SDK1: variants seen among roughly 807,000 people sequenced by gnomAD.
SDK1 encodes the protein sidekick cell adhesion molecule 1.
A neutral mutation model predicts 245.5 loss-of-function variants in SDK1; 157 were observed. That is an observed-to-expected ratio of 0.64 (90% CI 0.56 to 0.73). The LOEUF (loss-of-function observed/expected upper bound fraction) is 0.73. Ranked by LOEUF, SDK1 falls within the 30% of genes least tolerant of loss-of-function variation. The probability of loss-of-function intolerance (pLI) is 0.00; values close to 1 mark genes in which losing one functional copy is unlikely to be tolerated. For missense variants in SDK1, 3,583 were observed against 3,002.3 expected (o/e 1.19, Z -4.52); for synonymous variants, 1,647 against 1,278.5 (o/e 1.29, Z -6.15).
At chr7:3,423,730 C>A (rs1479660442) in intron 1 of SDK1, among the ~76,000 whole-genome samples, 1 of 151,984 alleles carries the variant, frequency 6.6e-6, no homozygotes. Context: ...TTCCAAGAAA[C>A]CAGAGACCAG....
chr7:4,195,801 T>A (rs772418717), intron 35 of SDK1, among the ~76,000 whole-genome samples: 1 of 152,022 alleles, frequency 6.6e-6, no homozygotes, highest in African/African-American at 2.4e-5. Flanking sequence ...TGCCTGGGGA[T>A]GAAGCCGTCG....
chr7:4,215,876 T>C, intron 38 of SDK1, among the ~76,000 whole-genome samples: 1 of 152,156 alleles, frequency 6.6e-6, no homozygotes, highest in East Asian at 1.9e-4. Context: ...CGTGGTCCTA[T>C]GAGGTAAGCG....
At chr7:3,844,261 C>T (rs148242437) in intron 5 of SDK1, among the ~76,000 whole-genome samples, 29 of 152,298 alleles carry the variant, frequency 1.9e-4, no homozygotes, top group African/African-American at 3.1e-4. Context: ...CATGAGCCAC[C>T]GCCCCTGGCC....
At chr7:3,320,164 T>G (rs1006700462) in intron 1 of SDK1, among the ~76,000 whole-genome samples, 1 of 151,972 alleles carries the variant, frequency 6.6e-6, no homozygotes, top group Admixed American at 6.6e-5. Flanking sequence ...CCTCTCATTC[T>G]CTCCTGCCCG....
At chr7:3,924,093 CTT>C (rs111644858) in intron 5 of SDK1, among the ~76,000 whole-genome samples, 7 of 143,768 alleles carry the variant, frequency 4.9e-5, no homozygotes, top group South Asian at 2.2e-4. Context: ...AGAAATTCCT[CTT>C]TTTTTTTTTT....
At chr7:4,105,630 C>CT (rs1215265815) in intron 22 of SDK1, among the ~76,000 whole-genome samples, 1 of 152,158 alleles carries the variant, frequency 6.6e-6, no homozygotes, top group East Asian at 1.9e-4. Context: ...TAAATGAATG[C>CT]TTTGACAGTG....
chr7:4,150,192 A>G (rs1371065753), intron 30 of SDK1, among the ~76,000 whole-genome samples: 1 of 152,060 alleles, frequency 6.6e-6, no homozygotes, highest in African/African-American at 2.4e-5. Flanking sequence ...CCCTCACCAC[A>G]TGCCCTGACC....
chr7:4,162,658 C>T (rs1781228434), intron 32 of SDK1, among the ~76,000 whole-genome samples: 1 of 152,058 alleles, frequency 6.6e-6, no homozygotes, highest in African/African-American at 2.4e-5. Flanking sequence ...CCTCAGCCTC[C>T]CAAAGTGCTG....
intron 1 of SDK1, among the ~76,000 whole-genome samples, chr7:3,473,548 C>T (rs944898451): frequency 2.6e-5 from 4 of 152,154 alleles, no homozygotes; most frequent in Non-Finnish European, 4.4e-5. Flanking sequence ...AGGACTCTTG[C>T]AGTATGTGGG....
Position 4,194,468 on chromosome 7 carries a change from G to GCA in SDK1, c.5099-11411_5099-11410insCA, listed in dbSNP as rs1562416428. The stretch of plus-strand genomic sequence containing the variant: ...TGTATACATGTATATATGTGTGTGT[G>GCA]TATATATATACTCCCATATATATGG... On this transcript the variant is annotated intron_variant, in intron 35 of 44. Transcript: ENST00000404826. Among the ~76,000 whole-genome samples, 26 of 115,126 alleles carry GCA rather than the reference G, an allele frequency of 2.3e-4. 2 individuals are homozygous for GCA. The highest frequency in any genetic ancestry group is 3.8e-4 in the Non-Finnish European group (20 of 53,270). 75.5% of individuals were successfully genotyped at this position (115,126 alleles called of 152,430 possible). A position where few individuals can be genotyped will look rare whatever the true frequency, so the allele number is the denominator to read the frequency against.
chr7:3,731,539 G>T (rs996732282), intron 4 of SDK1, among the ~76,000 whole-genome samples: 1 of 152,114 alleles, frequency 6.6e-6, no homozygotes. Context: ...GTAGCAACAC[G>T]TTATGTCTTA....
At chr7:4,111,790 A>G (rs546748744) in intron 23 of SDK1, among the ~76,000 whole-genome samples, 5 of 152,372 alleles carry the variant, frequency 3.3e-5, no homozygotes, top group East Asian at 1.9e-4. Context: ...TAGTAAATGT[A>G]TATGTGCATA....
intron 4 of SDK1, among the ~76,000 whole-genome samples, chr7:3,673,249 G>A (rs562218999): frequency 2.0e-5 from 3 of 152,282 alleles, no homozygotes; most frequent in African/African-American, 7.2e-5. Context: ...AATCCAGAAT[G>A]AAGCATTGCA....
intron 1 of SDK1, among the ~76,000 whole-genome samples, chr7:3,531,752 G>A (rs912746274): frequency 1.3e-5 from 2 of 152,200 alleles, no homozygotes; most frequent in East Asian, 1.9e-4. Context: ...GAAAAGGAAT[G>A]ATTTTGGGTT....
intron 7 of SDK1, among the ~76,000 whole-genome samples, chr7:3,953,374 G>T (rs1427555763): frequency 6.6e-6 from 1 of 152,160 alleles, no homozygotes; most frequent in African/African-American, 2.4e-5. Flanking sequence ...AGCATCCAAG[G>T]AAGCCGGCTT....
intron 43 of SDK1, among the ~76,000 whole-genome samples, chr7:4,242,695 G>A (rs540398118): frequency 6.2e-4 from 94 of 152,334 alleles, no homozygotes; most frequent in Non-Finnish European, 1.1e-3. Context: ...CCCTCAGCCA[G>A]ACTCACCTTG....
rs573460250 is a variant in SDK1, at chr7:3,563,288, C to T, written c.299-55792C>T. 8.5e-5 allele frequency among the ~76,000 whole-genome samples: 13 copies of T among 152,138 alleles called. No homozygotes were observed. The East Asian group carries it at 9.6e-4, about 11-fold the overall frequency. Reference sequence around the variant, plus strand: ...AGTTCAAGTTTTAGAGTAATTACAACGTATATTCCTGGATTATCCATCGTA... The same window carrying T: ...AGTTCAAGTTTTAGAGTAATTACAATGTATATTCCTGGATTATCCATCGTA... On this transcript the variant is annotated intron_variant, in intron 1 of 44. Coordinates refer to ENST00000404826, the MANE Select transcript of SDK1 (RefSeq NM_152744.4).
intron 4 of SDK1, among the ~76,000 whole-genome samples, chr7:3,652,404 A>G (rs775318433): frequency 2.6e-5 from 4 of 152,224 alleles, no homozygotes; most frequent in African/African-American, 9.6e-5. Flanking sequence ...GCCTGGAGTC[A>G]TGTGGCACGG....
intron 27 of SDK1, among the ~76,000 whole-genome samples, chr7:4,130,931 C>A (rs1314705953): frequency 6.6e-6 from 1 of 152,108 alleles, no homozygotes; most frequent in East Asian, 1.9e-4. Flanking sequence ...CGAAAGTCCT[C>A]TTAACTGCTG....
Sources: gnomAD v4.1 joint callset for allele counts (sites outside exome capture counted in the v4.1 genomes callset) on GRCh38, gnomAD v4.1.1 for gene constraint, MANE v1.5 for transcripts, NCBI Gene and HGNC (gene_info 2026-07-23, HGNC 2026-07-21) for gene names.